The following VPS13A variants were observed in gnomAD, a reference collection of about 807,000 sequenced individuals.
The protein encoded by VPS13A is intermembrane lipid transfer protein VPS13A.
In VPS13A, 264 loss-of-function variants were observed where a neutral mutation model predicts 390.9. That is an observed-to-expected ratio of 0.68 (90% CI 0.61 to 0.75). The LOEUF (loss-of-function observed/expected upper bound fraction) is 0.75, where lower values mean the gene tolerates loss of function less well. Among genes scored for constraint, VPS13A ranks in the 30% least tolerant of loss-of-function variants. The probability of loss-of-function intolerance (pLI) is 0.00; values close to 1 mark genes in which losing one functional copy is unlikely to be tolerated. For synonymous variants in VPS13A, 1,231 were observed against 1,227.1 expected (o/e 1.00, Z -0.07); for missense variants, 3,409 against 3,733.9 (o/e 0.91, Z 2.27).
chr9:77,393,842 C>T (rs1267219099), intron 68 of VPS13A, among the ~76,000 whole-genome samples: 3 of 152,110 alleles, frequency 2.0e-5, no homozygotes, highest in Non-Finnish European at 4.4e-5. Context: ...AGTCTCGGCT[C>T]ACTGCAACCT....
chr9:77,401,705 T>TAA (rs1834404175), intron 68 of VPS13A, among the ~76,000 whole-genome samples: 1 of 152,204 alleles, frequency 6.6e-6, no homozygotes, highest in Non-Finnish European at 1.5e-5. Context: ...TCTTTTCATC[T>TAA]AAGTTTTCAA....
chr9:77,283,469 A>G lies in VPS13A; in HGVS notation c.3233A>G (p.Glu1078Gly). Residue 1078 changes from glutamate (E) to glycine (G), a missense_variant and splice_region_variant, in exon 30 of 72, where the codon GAA becomes GGA. Glu to Gly is a moderately conservative substitution (Grantham distance 98). This residue lies in a region of VPS13A where 2,717 missense variants were observed against 2,917.4 expected (regional missense o/e 0.93). Coordinates refer to ENST00000360280, the MANE Select transcript of VPS13A (RefSeq NM_033305.3). ...TGTAACATTTCTGAAATTAAGATTGAAGGTAATAAAATTTCACAAAAAGCA... is the reference window on the plus strand; with the variant it reads ...TGTAACATTTCTGAAATTAAGATTGGAGGTAATAAAATTTCACAAAAAGCA... ...QKCNISEIKI[E>G]GLDSEMIMRP... The G allele has an allele frequency of 6.3e-7, 1 of 1,598,690 alleles. No individual in the cohort carries two copies. The highest frequency in any genetic ancestry group is 1.3e-5 in the African/African-American group (1 of 74,738).
Position 77,226,699 on chromosome 9 carries a change from TATTTA to T in VPS13A, c.1357+105_1357+109del, listed in dbSNP as rs1299463147. On this transcript the variant is annotated intron_variant, in intron 15 of 71. Coordinates refer to ENST00000360280, the MANE Select transcript of VPS13A (RefSeq NM_033305.3). ...AAGTAAATAGACATTGAAATATATT[TATTTA>T]ATTATATATAAAGTTATTACAAATA... 8.1e-6 allele frequency: 8 copies of T among 987,280 alleles called. No individual in the cohort carries two copies. In the East Asian group the frequency reaches 1.5e-4, roughly 18 times the overall value. The allele number at this position is 987,280 out of a possible 1,614,324, so 61.2% of individuals were successfully genotyped here. A position where few individuals can be genotyped will look rare whatever the true frequency, so the allele number is the denominator to read the frequency against.
In VPS13A at chr9:77,282,967, A is replaced by C. The variant is rs190423181; in HGVS notation, c.3119-388A>C. On this transcript the variant is annotated intron_variant, in intron 29 of 71. Transcript: ENST00000360280. ...AGAGACTCTGTTTCGAAAAAAAAAA[A>C]CAAAAAAGAGTATCAGAGCATATTT... Among the ~76,000 whole-genome samples, 1,285 of 152,042 alleles carry C rather than the reference A, an allele frequency of 8.5e-3. 10 individuals are homozygous for C. The highest frequency in any genetic ancestry group is 0.014 in the South Asian group (67 of 4,804).
At chr9:77,394,022 C>T (rs866678511) in intron 68 of VPS13A, among the ~76,000 whole-genome samples, 4 of 151,910 alleles carry the variant, frequency 2.6e-5, no homozygotes, top group East Asian at 1.9e-4. Context: ...CCCACCTCGG[C>T]GTCCCAAAGT....
intron 68 of VPS13A, among the ~76,000 whole-genome samples, chr9:77,393,175 A>G (rs1307305084): frequency 6.6e-6 from 1 of 152,248 alleles, no homozygotes; most frequent in African/African-American, 2.4e-5. Context: ...CATCTGGAGA[A>G]ACCATTTTCT....
intron 17 of VPS13A, among the ~76,000 whole-genome samples, chr9:77,233,204 A>G (rs1212803335): frequency 6.6e-6 from 1 of 152,092 alleles, no homozygotes. Flanking sequence ...TGTTTTTTGC[A>G]GTACTCTTTT....
intron 68 of VPS13A, among the ~76,000 whole-genome samples, chr9:77,399,181 T>TAAAAAAAAAAAAAA: frequency 8.5e-3 from 295 of 34,690 alleles, no homozygotes; most frequent in Non-Finnish European, 0.013. Context: ...AAAAAAAAAA[T>TAAAAAAAAAAAAAA]AAAAAAAAAA....
At chr9:77,250,621 A>G (rs898755677) in intron 21 of VPS13A, among the ~76,000 whole-genome samples, 1 of 152,204 alleles carries the variant, frequency 6.6e-6, no homozygotes, top group Non-Finnish European at 1.5e-5. Context: ...ATTGAAAATG[A>G]TATTGGTATT....
At chr9:77,276,436 A>G (rs1174583064) in intron 26 of VPS13A, among the ~76,000 whole-genome samples, 1 of 152,234 alleles carries the variant, frequency 6.6e-6, no homozygotes, top group East Asian at 1.9e-4. Context: ...ATGGAAAATC[A>G]GATGATAATG....
chr9:77,199,230 G>C (rs1222670690), intron 1 of VPS13A, among the ~76,000 whole-genome samples: 1 of 151,994 alleles, frequency 6.6e-6, no homozygotes, highest in African/African-American at 2.4e-5. Flanking sequence ...TAGCAATGAG[G>C]TCTCGCTGTG....
At chr9:77,258,380 C>T (rs1316514262) in intron 22 of VPS13A, among the ~76,000 whole-genome samples, 1 of 152,110 alleles carries the variant, frequency 6.6e-6, no homozygotes, top group Non-Finnish European at 1.5e-5. Context: ...ATGGGGTGGA[C>T]ATTGTTTTTA....
intron 2 of VPS13A, among the ~76,000 whole-genome samples, chr9:77,200,291 A>G (rs574428833): frequency 5.9e-5 from 9 of 152,218 alleles, no homozygotes; most frequent in African/African-American, 2.2e-4. Context: ...GTTCGAGACT[A>G]GCCTGGCCAA....
At position 77,353,754 on chromosome 9, in the gene VPS13A, T is replaced by C. The variant is rs150305878; in HGVS notation, c.7652+113T>C. 1,193 of 1,072,862 alleles carry C rather than the reference T, an allele frequency of 1.1e-3. 4 individuals carry two copies. The highest frequency in any genetic ancestry group is 1.4e-3 in the Non-Finnish European group (1,024 of 723,946). 66.5% of individuals were successfully genotyped at this position (1,072,862 alleles called of 1,614,324 possible). A position where few individuals can be genotyped will look rare whatever the true frequency, so the allele number is the denominator to read the frequency against. On this transcript the variant is annotated intron_variant, in intron 54 of 71. Coordinates refer to ENST00000360280, the MANE Select transcript of VPS13A (RefSeq NM_033305.3). ...TTCAGTTTTGTGCTTTGACTATTCA[T>C]TGATACTGTGGTAGTGCTAGTTTTA...
chr9:77,319,195 C>CAA (rs5898533), intron 41 of VPS13A, among the ~76,000 whole-genome samples: 27,673 of 123,112 alleles, frequency 0.22, 2,984 homozygotes, highest in African/African-American at 0.29. Flanking sequence ...GACCCAGACT[C>CAA]AAAAAAAAAA....
intron 34 of VPS13A, chr9:77,305,616 CT>C (rs1422319840): frequency 1.5e-5 from 3 of 200,048 alleles, no homozygotes; most frequent in South Asian, 1.8e-4. Context: ...GCCCAGCTGC[CT>C]TTTGAGGCCA....
intron 33 of VPS13A, among the ~76,000 whole-genome samples, chr9:77,299,156 C>T (rs1417031509): frequency 6.6e-6 from 1 of 152,170 alleles, no homozygotes; most frequent in Non-Finnish European, 1.5e-5. Context: ...GTTTTGGTTA[C>T]TGTAGCCTTG....
chr9:77,316,382 C>T lies in VPS13A; in HGVS notation c.4839C>T (p.Val1613=), dbSNP rs2131433217. 1 of 1,612,876 alleles carries T rather than the reference C, an allele frequency of 6.2e-7. No homozygotes were observed. The highest frequency in any genetic ancestry group is 1.7e-4 in the Middle Eastern group (1 of 6,054). ...LQVRACPFLP[V]KRKGKITTVL... is the part of the protein sequence containing the mutation. ...TGAGAGCCTGCCCGTTTCTTCCAGTCAAGAGAAAAGGCAAAATCACTACTG... is the reference window on the plus strand; with the variant it reads ...TGAGAGCCTGCCCGTTTCTTCCAGTTAAGAGAAAAGGCAAAATCACTACTG... Residue 1613 remains valine, a synonymous_variant, in exon 39 of 72, where the codon GTC becomes GTT. Coordinates refer to ENST00000360280, the MANE Select transcript of VPS13A (RefSeq NM_033305.3).
At chr9:77,301,668 G>A (rs1054645544) in intron 33 of VPS13A, among the ~76,000 whole-genome samples, 1 of 152,112 alleles carries the variant, frequency 6.6e-6, no homozygotes, top group Non-Finnish European at 1.5e-5. Flanking sequence ...TACAATGGGA[G>A]GCTTCTATGG....
Sources: allele counts gnomAD v4.1 joint callset (sites outside exome capture counted in the v4.1 genomes callset), GRCh38; gene constraint gnomAD v4.1.1; regional missense constraint gnomAD v4.1.1; transcripts MANE v1.5; gene names NCBI Gene and HGNC (gene_info 2026-07-23, HGNC 2026-07-21).